Variants in PHC2 observed in about 807,000 individuals in gnomAD.
The protein encoded by PHC2 is polyhomeotic-like protein 2.
PHC2 carries 29 observed loss-of-function variants against 87.4 expected under a neutral mutation model. That is an observed-to-expected ratio of 0.33 (90% CI 0.25 to 0.45). PHC2 has a LOEUF of 0.45. PHC2 is among the 20% of genes least tolerant of loss of function. The pLI is 1.00. For missense variants in PHC2, 857 were observed against 1,136.7 expected (o/e 0.75, Z 3.54); for synonymous variants, 438 against 461.7 (o/e 0.95, Z 0.66).
chr1:33,389,941 CTTTT>C (rs2148359639), intron 1 of PHC2, among the ~76,000 whole-genome samples: 1 of 152,278 alleles, frequency 6.6e-6, no homozygotes, highest in South Asian at 2.1e-4. Flanking sequence ...TACCCTACTT[CTTTT>C]ATCATATTTA....
At chr1:33,398,456 GGATA>G (rs1305532021) in intron 1 of PHC2, among the ~76,000 whole-genome samples, 5 of 152,176 alleles carry the variant, frequency 3.3e-5, no homozygotes, top group African/African-American at 7.2e-5. Flanking sequence ...TTAGCTGGGA[GGATA>G]GATACCAAAT....
At chr1:33,405,189 T>C (rs1038288282) in intron 1 of PHC2, among the ~76,000 whole-genome samples, 30 of 152,172 alleles carry the variant, frequency 2.0e-4, no homozygotes, top group Non-Finnish European at 4.0e-4. Context: ...GTAGTCTTTT[T>C]TTTTTTTTTC....
chr1:33,348,138 C>G (rs1301719394), intron 9 of PHC2, among the ~76,000 whole-genome samples: 1 of 152,226 alleles, frequency 6.6e-6, no homozygotes. Context: ...AAGACAGCCT[C>G]TTGCCCGATA....
rs1238221770 is a variant in PHC2, at chr1:33,407,785, G to A, written c.-55+23191C>T. Among the ~76,000 whole-genome samples the A allele has an allele frequency of 3.0e-4, 45 of 152,048 alleles. 1 individual carries two copies. Among genetic ancestry groups the A allele is most frequent in the Admixed American group, 2.9e-3 (45 of 15,270 alleles). On this transcript the variant is annotated intron_variant, in intron 1 of 14. Transcript: ENST00000683057. The stretch of plus-strand genomic sequence containing the variant: ...ATAGTATTTTTATTTAAAAACAATT[G>A]CAGCAAATTTACATACCTAATAATC...
At chr1:33,329,178 GAACA>G in intron 13 of PHC2, 32 bp from the exon 14 acceptor site, 1 of 1,597,676 alleles carries the variant, frequency 6.3e-7, no homozygotes, top group Non-Finnish European at 8.5e-7. Context: ...CAGGATGGGG[GAACA>G]AACCATCTCT....
At position 33,392,207 on chromosome 1, in the gene PHC2, A is replaced by G. The variant is rs572980172; in HGVS notation, c.-54-16614T>C. Among the ~76,000 whole-genome samples the G allele has an allele frequency of 6.2e-4, 95 of 152,242 alleles. 1 individual carries two copies. The South Asian group carries it at 0.019, about 31-fold the overall frequency. ...CACACACATGCACATGCACATACACAAATGCTCTCTTTAGACTGCTGCCTC... is the reference window on the plus strand; with the variant it reads ...CACACACATGCACATGCACATACACGAATGCTCTCTTTAGACTGCTGCCTC... On this transcript the variant is annotated intron_variant, in intron 1 of 14. Transcript: ENST00000683057.
chr1:33,389,131 C>G (rs1648923160), intron 1 of PHC2, among the ~76,000 whole-genome samples: 1 of 151,058 alleles, frequency 6.6e-6, no homozygotes, highest in Non-Finnish European at 1.5e-5. Context: ...AAGTGACAAC[C>G]AGGACAGACG....
chr1:33,430,951 C>T (rs1650895549), intron 1 of PHC2, 25 bp downstream of exon 1: 1 of 151,506 alleles, frequency 6.6e-6, no homozygotes, highest in Admixed American at 6.6e-5. Context: ...GAGCTGGCCC[C>T]AGCGCGCACG....
In PHC2 at chr1:33,331,535, G is replaced by A; in HGVS notation, c.1892-73C>T. On this transcript the variant is annotated intron_variant, in intron 11 of 14. Coordinates refer to ENST00000683057, the MANE Select transcript of PHC2 (RefSeq NM_001385109.1). The surrounding 1 kb of genome is among the most constrained non-coding windows in gnomAD (Gnocchi z 5.2). ...GGACTGTGGCCAGCCCCACCACGGG[G>A]CCTCCCTACTCCATCCTGCCTGGTC... The A allele has an allele frequency of 1.2e-6, 1 of 834,126 alleles. No homozygotes were observed. Among genetic ancestry groups the A allele is most frequent in the South Asian group, 1.5e-5 (1 of 68,458 alleles). 51.7% of individuals were successfully genotyped at this position (834,126 alleles called of 1,614,324 possible).
chr1:33,363,769 T>G, intron 7 of PHC2: 1 of 985,332 alleles, frequency 1.0e-6, no homozygotes, highest in Non-Finnish European at 1.2e-6. Flanking sequence ...AGCCTGGAGT[T>G]TATCCACTAG....
At chr1:33,356,263 ATATATATATATATG>A (rs1375120465) in intron 7 of PHC2, among the ~76,000 whole-genome samples, 4 of 87,420 alleles carry the variant, frequency 4.6e-5, no homozygotes, top group East Asian at 3.4e-4. Context: ...ATATATATAT[ATATATATATATATG>A]TATATATATA....
At chr1:33,419,607 T>C (rs1232937718) in intron 1 of PHC2, among the ~76,000 whole-genome samples, 1 of 151,690 alleles carries the variant, frequency 6.6e-6, no homozygotes, top group Non-Finnish European at 1.5e-5. Context: ...CTTCTGCCTC[T>C]CTCTCTTTCT....
rs942138965 is a variant in PHC2, at chr1:33,332,212, G to T, written c.1891+63C>A. On this transcript the variant is annotated intron_variant, in intron 11 of 14. Coordinates refer to ENST00000683057, the MANE Select transcript of PHC2 (RefSeq NM_001385109.1). This position sits in a 1 kb window ranked among gnomAD's most constrained non-coding sequence, Gnocchi z 4.2. ...CTCTGGGGAAACAGAGAGAGGAAGT[G>T]TGTGAGGCCTGCCTTTCCAGCCACG... 1.9e-6 allele frequency: 3 copies of T among 1,597,412 alleles called. No homozygotes were observed. In the African/African-American group the frequency reaches 4.0e-5, roughly 21 times the overall value.
intron 1 of PHC2, among the ~76,000 whole-genome samples, chr1:33,388,600 G>A (rs1254148927): frequency 1.3e-5 from 2 of 152,034 alleles, no homozygotes; most frequent in Non-Finnish European, 2.9e-5. Context: ...TTACAGGCAT[G>A]AGCCACCACA....
At chr1:33,416,177 T>C (rs967062780) in intron 1 of PHC2, among the ~76,000 whole-genome samples, 5 of 152,194 alleles carry the variant, frequency 3.3e-5, no homozygotes, top group African/African-American at 1.2e-4. Flanking sequence ...AGAAAGTGAC[T>C]CCAAGGAACA....
chr1:33,398,675 T>C (rs766544607), intron 1 of PHC2, among the ~76,000 whole-genome samples: 2 of 152,208 alleles, frequency 1.3e-5, no homozygotes, highest in African/African-American at 2.4e-5. Flanking sequence ...TCTGCCCACA[T>C]TGGTCCTCTG....
chr1:33,343,313 A>T (rs1646781133), intron 9 of PHC2, among the ~76,000 whole-genome samples: 2 of 149,062 alleles, frequency 1.3e-5, no homozygotes, highest in African/African-American at 4.9e-5. Flanking sequence ...ATACAAAAAA[A>T]AAAATAAATA....
At chr1:33,377,664 C>T (rs765160054) in intron 1 of PHC2, among the ~76,000 whole-genome samples, 1 of 151,822 alleles carries the variant, frequency 6.6e-6, no homozygotes, top group African/African-American at 2.4e-5. Context: ...CACATTCAGT[C>T]ATCTGCTTGT....
chr1:33,372,316 C>A lies in PHC2; in HGVS notation c.306G>T (p.Gln102His). Residue 102 changes from glutamine to histidine, a missense_variant, in exon 3 of 15, where the codon CAG (glutamine) becomes CAT (histidine). By Grantham distance (24) the Gln-to-His change is conservative. Coordinates refer to ENST00000683057, the MANE Select transcript of PHC2 (RefSeq NM_001385109.1). ...GCTGTACGGCTGCCAGGCTCTGGAG[C>A]TGGGCGCTGCTGAGGTGCTGCTGCT... is the stretch of plus-strand genomic sequence containing the variant. ...ALQQQHLSSAQLQSLAAVQQA... is the reference protein window; with the variant it reads ...ALQQQHLSSAHLQSLAAVQQA... 6.3e-7 allele frequency: 1 copy of A among 1,589,714 alleles called. No homozygotes were observed. Among genetic ancestry groups the A allele is most frequent in the South Asian group, 1.1e-5 (1 of 88,570 alleles).
Sources: gnomAD v4.1 joint callset for allele counts (sites outside exome capture counted in the v4.1 genomes callset) on GRCh38, gnomAD v4.1.1 for gene constraint, Gnocchi (gnomAD v3.1) non-coding constraint, MANE v1.5 for transcripts, NCBI Gene and HGNC (gene_info 2026-07-23, HGNC 2026-07-21) for gene names.